The following FGGY variants were observed in gnomAD, a reference collection of about 807,000 sequenced individuals.
FGGY encodes the protein FGGY carbohydrate kinase domain containing, also known as FGGY carbohydrate kinase domain-containing protein.
A neutral mutation model predicts 71.3 loss-of-function variants in FGGY; 72 were observed. That is an observed-to-expected ratio of 1.01 (90% CI 0.84 to 1.23). The LOEUF is 1.23. Ranked by LOEUF, FGGY falls within the 50% of genes most tolerant of loss-of-function variation. The pLI is 0.00. For missense variants in FGGY, 668 were observed against 682.3 expected, an observed-to-expected ratio of 0.98 and a Z score of 0.23; for synonymous variants, 251 against 250.3, an observed-to-expected ratio of 1.00 and a Z score of -0.02.
chr1:59,346,276 C>G lies in FGGY; in HGVS notation c.343C>G (p.Leu115Val), dbSNP rs780860132. ...TTCCCATCGAAACGTCATCATGTGG[C>G]TGGACCATCGAGCAGTCAGTCAAGT... The part of the protein sequence containing the change: ...GDSHRNVIMW[L>V]DHRAVSQVNR... The change falls in exon 4 of 16, where the codon CTG becomes GTG. Residue 115 changes from leucine (L) to valine (V), a missense_variant. By Grantham distance (32) the Leu-to-Val change is conservative (BLOSUM62 1). Coordinates refer to ENST00000303721, the MANE Select transcript of FGGY (RefSeq NM_018291.5). 2 of 1,612,732 alleles carry G rather than the reference C, an allele frequency of 1.2e-6. No homozygotes were observed. The highest frequency in any genetic ancestry group is 4.5e-5 in the East Asian group (2 of 44,882).
chr1:59,641,306 G>A lies in FGGY; in HGVS notation c.1221+2931G>A, dbSNP rs201842494. 5.4e-5 allele frequency: 87 copies of A among 1,608,956 alleles called. 1 individual carries two copies. The East Asian group carries it at 1.4e-3, about 26-fold the overall frequency. On this transcript the variant is annotated intron_variant, in intron 11 of 15. Coordinates refer to ENST00000303721, the MANE Select transcript of FGGY (RefSeq NM_018291.5). The stretch of plus-strand genomic sequence containing the variant: ...GAACCACTGGATATCTGTATATTCC[G>A]GCTTTGGCAGCGTTGCACTCTCCCA...
At chr1:59,753,467 AATATATATAT>A (rs57074120) in intron 14 of FGGY, among the ~76,000 whole-genome samples, 2,118 of 47,780 alleles carry the variant, frequency 0.044, 47 homozygotes, top group South Asian at 0.065. Flanking sequence ...CATAACTTTA[AATATATATAT>A]ATATATATAT....
intron 5 of FGGY, among the ~76,000 whole-genome samples, chr1:59,443,176 A>C (rs181705984): frequency 6.6e-6 from 1 of 152,352 alleles, no homozygotes; most frequent in African/African-American, 2.4e-5. Context: ...TAGCTTATCA[A>C]GGAAATATTT....
intron 14 of FGGY, among the ~76,000 whole-genome samples, chr1:59,736,739 A>C (rs1408691907): frequency 6.6e-6 from 1 of 152,238 alleles, no homozygotes; most frequent in East Asian, 1.9e-4. Context: ...GAAAGTTTGC[A>C]AAATTTGCAG....
chr1:59,594,744 G>A (rs1001782106), intron 8 of FGGY, among the ~76,000 whole-genome samples: 2 of 152,216 alleles, frequency 1.3e-5, no homozygotes, highest in African/African-American at 4.8e-5. Flanking sequence ...TGGCAAATAA[G>A]CCCACACTAT....
intron 10 of FGGY, among the ~76,000 whole-genome samples, chr1:59,636,495 C>T (rs1230411584): frequency 3.3e-5 from 5 of 152,022 alleles, no homozygotes; most frequent in African/African-American, 4.8e-5. Flanking sequence ...TGGTGGCGGA[C>T]GCCTGTGGTC....
At chr1:59,466,583 A>G (rs1468637408) in intron 6 of FGGY, among the ~76,000 whole-genome samples, 1 of 152,216 alleles carries the variant, frequency 6.6e-6, no homozygotes, top group East Asian at 1.9e-4. Flanking sequence ...ACAGAATGGG[A>G]GAAAATTTTC....
chr1:59,760,517 A>G (rs902543367), intron 15 of FGGY, among the ~76,000 whole-genome samples: 4 of 152,250 alleles, frequency 2.6e-5, no homozygotes, highest in Non-Finnish European at 2.9e-5. Context: ...AACATTATTC[A>G]TGATAGCGAA....
intron 6 of FGGY, among the ~76,000 whole-genome samples, chr1:59,458,755 C>T (rs1170059875): frequency 6.6e-6 from 1 of 152,132 alleles, no homozygotes; most frequent in Non-Finnish European, 1.5e-5. Context: ...TTAGAACTTA[C>T]CCATTTATCA....
intron 4 of FGGY, among the ~76,000 whole-genome samples, chr1:59,351,655 G>C (rs1402523547): frequency 6.6e-6 from 1 of 152,140 alleles, no homozygotes; most frequent in East Asian, 1.9e-4. Flanking sequence ...AACTCAATAA[G>C]GGGCTGTTAC....
intron 9 of FGGY, among the ~76,000 whole-genome samples, chr1:59,620,517 G>T (rs2096797144): frequency 6.6e-6 from 1 of 151,932 alleles, no homozygotes; most frequent in South Asian, 2.1e-4. Context: ...TTTATATAAA[G>T]ATAAATATGA....
intron 4 of FGGY, among the ~76,000 whole-genome samples, chr1:59,355,101 G>T (rs1015931946): frequency 4.6e-5 from 7 of 152,230 alleles, no homozygotes; most frequent in African/African-American, 1.7e-4. Context: ...GTGGGAAATG[G>T]TTGATGGGCT....
chr1:59,621,808 C>A (rs1172154016), intron 9 of FGGY, among the ~76,000 whole-genome samples: 2 of 151,730 alleles, frequency 1.3e-5, no homozygotes, highest in Non-Finnish European at 2.9e-5. Flanking sequence ...TTGGATTCAT[C>A]TTTCTTGAAT....
intron 5 of FGGY, among the ~76,000 whole-genome samples, chr1:59,437,522 T>C (rs2068741962): frequency 6.6e-6 from 1 of 152,148 alleles, no homozygotes; most frequent in East Asian, 1.9e-4. Context: ...GTATTTGCCT[T>C]GATCCTGCTT....
At chr1:59,651,215 A>T (rs1303917742) in intron 11 of FGGY, among the ~76,000 whole-genome samples, 1 of 152,162 alleles carries the variant, frequency 6.6e-6, no homozygotes, top group Non-Finnish European at 1.5e-5. Context: ...TGCTGAAAAA[A>T]ATGTATATTC....
intron 5 of FGGY, among the ~76,000 whole-genome samples, chr1:59,401,029 A>G (rs192665783): frequency 1.3e-5 from 2 of 152,192 alleles, no homozygotes; most frequent in Non-Finnish European, 2.9e-5. Context: ...TCATTTTAGT[A>G]GTATTTTGCT....
intron 1 of FGGY, among the ~76,000 whole-genome samples, chr1:59,312,745 CT>C (rs1449903987): frequency 6.6e-6 from 1 of 152,148 alleles, no homozygotes; most frequent in Admixed American, 6.5e-5. Flanking sequence ...CTTGTGACTG[CT>C]GTTGGACATT....
At chr1:59,473,426 C>T (rs1241733039) in intron 6 of FGGY, among the ~76,000 whole-genome samples, 1 of 152,218 alleles carries the variant, frequency 6.6e-6, no homozygotes, top group South Asian at 2.1e-4. Flanking sequence ...CTGTAACACT[C>T]ACCGTGAGGG....
In FGGY at chr1:59,638,253, A is replaced by C; in HGVS notation, c.1099A>C (p.Asn367His). ...ATGCCAGAGTATATATGCATATTTGAACAGTCACCTGGATCTGATTAAGAA... is the reference window on the plus strand; with the variant it reads ...ATGCCAGAGTATATATGCATATTTGCACAGTCACCTGGATCTGATTAAGAA... ...ARCQSIYAYL[N>H]SHLDLIKKAQ... The change falls in exon 11 of 16, where the codon AAC becomes CAC. Residue 367 changes from asparagine to histidine, a missense_variant. This residue lies in a region of FGGY where 661 missense variants were observed against 661.6 expected (regional missense o/e 1.00). Transcript: ENST00000303721. The C allele has an allele frequency of 1.2e-6, 2 of 1,614,172 alleles. No homozygotes were observed. Among genetic ancestry groups the C allele is most frequent in the Non-Finnish European group, 1.7e-6 (2 of 1,180,024 alleles).
Sources: gnomAD v4.1 joint callset for allele counts (sites outside exome capture counted in the v4.1 genomes callset) on GRCh38, gnomAD v4.1.1 for gene constraint, gnomAD v4.1.1 regional missense constraint, MANE v1.5 for transcripts, NCBI Gene and HGNC (gene_info 2026-07-23, HGNC 2026-07-21) for gene names.